UTRN: variants seen among roughly 807,000 people sequenced by gnomAD.
UTRN encodes utrophin.
A neutral mutation model predicts 463.9 loss-of-function variants in UTRN; 283 were observed. The observed-to-expected ratio is 0.61, with a 90% CI of 0.55 to 0.67. The LOEUF (loss-of-function observed/expected upper bound fraction) is 0.67, where lower values mean the gene tolerates loss of function less well. Among genes scored for constraint, UTRN ranks in the 30% least tolerant of loss-of-function variants. The pLI, the probability that UTRN is intolerant of heterozygous loss-of-function variation, is 0.00. For missense variants in UTRN, 3,922 were observed against 4,084.3 expected, an observed-to-expected ratio of 0.96 and a Z score of 1.08; for synonymous variants, 1,442 against 1,431.5, an observed-to-expected ratio of 1.01 and a Z score of -0.17.
intron 51 of UTRN, among the ~76,000 whole-genome samples, chr6:144,605,439 C>A (rs1339389721): frequency 2.0e-5 from 3 of 151,904 alleles, no homozygotes; most frequent in Admixed American, 6.6e-5. Flanking sequence ...AATAGAACTT[C>A]CTTTGCTGTT....
At chr6:144,392,446 A>G (rs1246880890) in intron 2 of UTRN, among the ~76,000 whole-genome samples, 1 of 152,190 alleles carries the variant, frequency 6.6e-6, no homozygotes, top group Admixed American at 6.5e-5. Flanking sequence ...ATTTTGACCA[A>G]TCCTTGTTCA....
intron 63 of UTRN, among the ~76,000 whole-genome samples, chr6:144,794,659 T>G (rs1406942839): frequency 6.6e-6 from 1 of 152,214 alleles, no homozygotes; most frequent in East Asian, 1.9e-4. Context: ...TTGTATCCTG[T>G]CTTAGTTCAT....
At chr6:144,586,495 A>T (rs576449449) in intron 51 of UTRN, among the ~76,000 whole-genome samples, 6 of 152,152 alleles carry the variant, frequency 3.9e-5, no homozygotes, top group African/African-American at 1.4e-4. Context: ...TCATGCCTAT[A>T]AAATAATTTT....
At position 144,491,085 on chromosome 6, in the gene UTRN, C is replaced by T. The variant is rs1793022501; in HGVS notation, c.4420C>T (p.His1474Tyr). ...CGTAGACCCTGACGTCATACAGACG[C>T]ACCTGGACAAGTGTATGGTGAGGCT... ...KDVDPDVIQT[H>Y]LDKCMKLYKT... The change falls in exon 32 of 75, where the codon CAC (histidine) becomes TAC (tyrosine). Residue 1474 changes from histidine to tyrosine, a missense_variant. Transcript: ENST00000367545. The T allele has an allele frequency of 2.5e-6, 4 of 1,607,914 alleles. No individual in the cohort carries two copies. In the East Asian group the frequency reaches 8.9e-5, roughly 36 times the overall value.
intron 51 of UTRN, among the ~76,000 whole-genome samples, chr6:144,665,354 T>C (rs1168603134): frequency 6.6e-6 from 1 of 152,188 alleles, no homozygotes; most frequent in East Asian, 1.9e-4. Context: ...TATGTTTTAT[T>C]TTCATGATGT....
intron 53 of UTRN, among the ~76,000 whole-genome samples, chr6:144,716,003 C>G (rs1344672490): frequency 6.6e-6 from 1 of 152,066 alleles, no homozygotes; most frequent in Non-Finnish European, 1.5e-5. Flanking sequence ...GAAGTGTAAG[C>G]AATAATCTTG....
At chr6:144,476,361 A>C (rs1018746640) in intron 25 of UTRN, among the ~76,000 whole-genome samples, 2 of 151,962 alleles carry the variant, frequency 1.3e-5, no homozygotes, top group African/African-American at 4.8e-5. Context: ...GGACCCATAC[A>C]CTAGGGAGGC....
intron 51 of UTRN, among the ~76,000 whole-genome samples, chr6:144,638,505 G>GT (rs1365702165): frequency 1.3e-5 from 2 of 152,250 alleles, no homozygotes; most frequent in African/African-American, 4.8e-5. Context: ...TAGAATTTTT[G>GT]TTTAACAGTG....
chr6:144,425,620 C>T (rs895169027), intron 6 of UTRN, among the ~76,000 whole-genome samples: 1 of 152,120 alleles, frequency 6.6e-6, no homozygotes, highest in African/African-American at 2.4e-5. Flanking sequence ...TCTTATCTCT[C>T]TCTCCATTCA....
rs574149279 is a variant in UTRN at position 144,716,856 on chromosome 6, A to G, written c.7810-13501A>G. Reference sequence around the variant, plus strand: ...CACAATAACTTTTCAAGGTTGCATAATGGCCTCTATTGTGGCCATATCATA... The same window carrying G: ...CACAATAACTTTTCAAGGTTGCATAGTGGCCTCTATTGTGGCCATATCATA... On this transcript the variant is annotated intron_variant, in intron 53 of 74. Coordinates refer to ENST00000367545, the MANE Select transcript of UTRN (RefSeq NM_007124.3). Among the ~76,000 whole-genome samples, 5 of 152,322 alleles carry G rather than the reference A, an allele frequency of 3.3e-5. No homozygotes were observed. In the South Asian group the frequency reaches 8.3e-4, roughly 25 times the overall value.
intron 46 of UTRN, among the ~76,000 whole-genome samples, chr6:144,545,835 C>T (rs1798352168): frequency 6.6e-6 from 1 of 152,182 alleles, no homozygotes; most frequent in Non-Finnish European, 1.5e-5. Flanking sequence ...GCCTGGCCAA[C>T]ATGGTGAAAC....
Position 144,516,797 on chromosome 6 carries a change from T to C in UTRN, c.5404-14T>C, listed in dbSNP as rs765383126. On this transcript the variant is annotated splice_polypyrimidine_tract_variant and intron_variant, in intron 38 of 74. Coordinates refer to ENST00000367545, the MANE Select transcript of UTRN (RefSeq NM_007124.3). ...TTCTTTTGAGTCATTTTTTTTTTCCTTTTAAAAATTTAGATGGATGAGGAG... is the reference window on the plus strand; with the variant it reads ...TTCTTTTGAGTCATTTTTTTTTTCCCTTTAAAAATTTAGATGGATGAGGAG... 4.9e-6 allele frequency: 7 copies of C among 1,439,028 alleles called. No individual in the cohort carries two copies. The highest frequency in any genetic ancestry group is 3.6e-6 in the Non-Finnish European group (4 of 1,097,842). 89.1% of individuals were successfully genotyped at this position (1,439,028 alleles called of 1,614,324 possible).
chr6:144,565,438 A>C (rs992834227), intron 50 of UTRN, among the ~76,000 whole-genome samples: 1 of 152,138 alleles, frequency 6.6e-6, no homozygotes, highest in Non-Finnish European at 1.5e-5. Context: ...ACTGGATGAG[A>C]TCACCAGGGA....
chr6:144,483,810 T>C (rs1490547863), intron 27 of UTRN, among the ~76,000 whole-genome samples: 1 of 152,188 alleles, frequency 6.6e-6, no homozygotes, highest in Non-Finnish European at 1.5e-5. Context: ...CTGAGAATAG[T>C]TTATACATTT....
intron 2 of UTRN, among the ~76,000 whole-genome samples, chr6:144,320,281 G>T (rs1584268194): frequency 6.6e-6 from 1 of 152,192 alleles, no homozygotes; most frequent in African/African-American, 2.4e-5. Context: ...ATTGTTAGGG[G>T]CTGTTGCTTT....
chr6:144,703,758 G>A (rs994632710), intron 53 of UTRN, among the ~76,000 whole-genome samples: 2 of 152,040 alleles, frequency 1.3e-5, no homozygotes, highest in African/African-American at 4.8e-5. Context: ...TGATGGAGTT[G>A]GAAGCATGAT....
intron 21 of UTRN, among the ~76,000 whole-genome samples, 154 bp downstream of exon 21, chr6:144,459,508 A>T (rs1012706283): frequency 6.6e-6 from 1 of 152,148 alleles, no homozygotes; most frequent in Non-Finnish European, 1.5e-5. Flanking sequence ...AGTCTTCTGT[A>T]TTCAGATTCT....
rs1212168774 is a variant in UTRN at position 144,393,001 on chromosome 6, A to T, written c.80-10122A>T. Among the ~76,000 whole-genome samples the T allele has an allele frequency of 1.2e-4, 6 of 51,302 alleles. No homozygotes were observed. The African/African-American group carries it at 1.5e-3, about 12-fold the overall frequency. The allele number at this position is 51,302 out of a possible 152,430, so 33.7% of individuals were successfully genotyped here. On this transcript the variant is annotated intron_variant, in intron 2 of 74. Coordinates refer to ENST00000367545, the MANE Select transcript of UTRN (RefSeq NM_007124.3). Reference sequence around the variant, plus strand: ...GGGCAAGGCTTTGTGTCCAGCTGCCATCCATCCATCCATCCATCCATCCAT... The same window carrying T: ...GGGCAAGGCTTTGTGTCCAGCTGCCTTCCATCCATCCATCCATCCATCCAT...
At chr6:144,500,009 C>A (rs1242586180) in intron 34 of UTRN, among the ~76,000 whole-genome samples, 3 of 152,190 alleles carry the variant, frequency 2.0e-5, no homozygotes, top group Non-Finnish European at 2.9e-5. Flanking sequence ...TTTATCCAAT[C>A]CACCATTGAT....
Sources: gnomAD v4.1 joint callset for allele counts (sites outside exome capture counted in the v4.1 genomes callset) on GRCh38, gnomAD v4.1.1 for gene constraint, MANE v1.5 for transcripts, NCBI Gene and HGNC (gene_info 2026-07-23, HGNC 2026-07-21) for gene names.